The following PTPRT variants were observed in gnomAD, a reference collection of about 807,000 sequenced individuals.
PTPRT encodes protein tyrosine phosphatase receptor type T.
PTPRT carries 56 observed loss-of-function variants against 176.8 expected under a neutral mutation model. The ratio of observed to expected loss-of-function variants is 0.32; its 90% CI spans 0.26 to 0.40. The LOEUF is 0.40. Ranked by LOEUF, PTPRT falls within the 10% of genes least tolerant of loss-of-function variation. The pLI is 1.00. For synonymous variants in PTPRT, 783 were observed against 739.0 expected, an observed-to-expected ratio of 1.06 and a Z score of -0.96; for missense variants, 1,540 against 1,908.2, an observed-to-expected ratio of 0.81 and a Z score of 3.60.
chr20:42,635,722 G>C (rs2074582422), intron 7 of PTPRT, among the ~76,000 whole-genome samples: 1 of 152,000 alleles, frequency 6.6e-6, no homozygotes, highest in Non-Finnish European at 1.5e-5. Context: ...TGAAGCCTTA[G>C]ATTTTATTTT....
At chr20:42,320,674 A>G (rs753366554) in intron 11 of PTPRT, among the ~76,000 whole-genome samples, 2 of 152,110 alleles carry the variant, frequency 1.3e-5, no homozygotes, top group Non-Finnish European at 2.9e-5. Context: ...AAATGGGAGG[A>G]AGTGGAGCAA....
rs569314183 is a variant in PTPRT, at chr20:42,410,670, A to G, written c.1560+37550T>C. Among the ~76,000 whole-genome samples, 6 of 152,236 alleles carry G rather than the reference A, an allele frequency of 3.9e-5. No individual in the cohort carries two copies. The South Asian group carries it at 1.2e-3, about 32-fold the overall frequency. The stretch of plus-strand genomic sequence containing the variant: ...AATTCACCGAGATAGACCATATACC[A>G]TACTATGAAACAAATCCTAACAAAT... On this transcript the variant is annotated intron_variant, in intron 9 of 30. Coordinates refer to ENST00000373187, the MANE Select transcript of PTPRT (RefSeq NM_007050.6).
intron 9 of PTPRT, among the ~76,000 whole-genome samples, chr20:42,366,171 C>A (rs545950049): frequency 6.6e-6 from 1 of 152,174 alleles, no homozygotes; most frequent in South Asian, 2.1e-4. Flanking sequence ...TTAGTGGACA[C>A]CTAATTAATG....
chr20:43,019,546 G>A (rs1985549423), intron 1 of PTPRT, among the ~76,000 whole-genome samples: 3 of 150,804 alleles, frequency 2.0e-5, no homozygotes, highest in Admixed American at 2.0e-4. Context: ...TTGAACCTGG[G>A]AGGCGGAGAT....
intron 2 of PTPRT, among the ~76,000 whole-genome samples, chr20:42,844,302 G>A: frequency 6.6e-6 from 1 of 152,174 alleles, no homozygotes; most frequent in African/African-American, 2.4e-5. Flanking sequence ...GGTTCAGGGA[G>A]GCAAGCCTAC....
intron 9 of PTPRT, among the ~76,000 whole-genome samples, chr20:42,447,057 T>C (rs1359328868): frequency 6.6e-6 from 1 of 152,220 alleles, no homozygotes; most frequent in Non-Finnish European, 1.5e-5. Context: ...TATCGGTCTG[T>C]TAGATTAATC....
intron 11 of PTPRT, among the ~76,000 whole-genome samples, chr20:42,333,934 G>A (rs1027318067): frequency 6.6e-6 from 1 of 151,960 alleles, no homozygotes; most frequent in East Asian, 1.9e-4. Context: ...GCCCACCTTG[G>A]CTTCACAAAG....
chr20:42,630,460 C>T (rs535045171), intron 7 of PTPRT, among the ~76,000 whole-genome samples: 1 of 152,238 alleles, frequency 6.6e-6, no homozygotes, highest in Admixed American at 6.5e-5. Context: ...AAGAGCCACA[C>T]ACCACCACCC....
chr20:42,646,485 AC>A (rs1411301503), intron 7 of PTPRT, among the ~76,000 whole-genome samples: 1 of 152,010 alleles, frequency 6.6e-6, no homozygotes, highest in Non-Finnish European at 1.5e-5. Context: ...GATGGAAGAA[AC>A]TTGTCCACCG....
chr20:42,265,690 G>A (rs976623354), intron 13 of PTPRT, among the ~76,000 whole-genome samples: 1 of 152,104 alleles, frequency 6.6e-6, no homozygotes, highest in African/African-American at 2.4e-5. Flanking sequence ...CACACCATCT[G>A]TCAACCCCTT....
intron 2 of PTPRT, among the ~76,000 whole-genome samples, chr20:42,810,825 G>A (rs779731681): frequency 4.6e-4 from 70 of 152,154 alleles, no homozygotes; most frequent in Non-Finnish European, 8.1e-4. Flanking sequence ...GTCTTTCGAC[G>A]CTGCCTCTCC....
At chr20:42,627,181 G>T (rs957186033) in intron 7 of PTPRT, among the ~76,000 whole-genome samples, 4 of 151,802 alleles carry the variant, frequency 2.6e-5, no homozygotes, top group African/African-American at 9.7e-5. Context: ...TAAAATTCTG[G>T]ATCCATTTAA....
intron 8 of PTPRT, among the ~76,000 whole-genome samples, chr20:42,471,725 G>C (rs527263296): frequency 1.3e-5 from 2 of 151,918 alleles, no homozygotes; most frequent in East Asian, 3.9e-4. Flanking sequence ...GTGCGATCTC[G>C]GCTCACTGCA....
At chr20:42,553,104 T>C (rs1169704951) in intron 7 of PTPRT, among the ~76,000 whole-genome samples, 2 of 152,156 alleles carry the variant, frequency 1.3e-5, no homozygotes, top group East Asian at 1.9e-4. Context: ...GAAAGAATCA[T>C]GTGAACTTGC....
chr20:43,128,706 C>A (rs1436526943), intron 1 of PTPRT, among the ~76,000 whole-genome samples: 1 of 152,160 alleles, frequency 6.6e-6, no homozygotes, highest in East Asian at 1.9e-4. Context: ...TACAGAGGTG[C>A]CAAACCCTTG....
intron 2 of PTPRT, among the ~76,000 whole-genome samples, chr20:42,846,426 T>A (rs2078373296): frequency 6.6e-6 from 1 of 152,182 alleles, no homozygotes; most frequent in Non-Finnish European, 1.5e-5. Flanking sequence ...ATGGAAGGAC[T>A]GAGACTGGCC....
intron 7 of PTPRT, among the ~76,000 whole-genome samples, chr20:42,657,252 C>T (rs1358743692): frequency 6.6e-6 from 1 of 152,168 alleles, no homozygotes; most frequent in Non-Finnish European, 1.5e-5. Context: ...AAACCTCTTT[C>T]CTTTACAAAT....
chr20:42,915,847 C>T (rs1188770052), intron 1 of PTPRT, among the ~76,000 whole-genome samples: 1 of 151,928 alleles, frequency 6.6e-6, no homozygotes, highest in Non-Finnish European at 1.5e-5. Context: ...GATCCTCCTG[C>T]GTCAGTCTCC....
intron 7 of PTPRT, among the ~76,000 whole-genome samples, chr20:42,557,860 C>G (rs1391042424): frequency 6.6e-6 from 1 of 152,176 alleles, no homozygotes; most frequent in Non-Finnish European, 1.5e-5. Flanking sequence ...ACAGCCATTC[C>G]CCTGACCCAG....
Sources: allele counts gnomAD v4.1 joint callset (sites outside exome capture counted in the v4.1 genomes callset), GRCh38; gene constraint gnomAD v4.1.1; transcripts MANE v1.5; gene names NCBI Gene and HGNC (gene_info 2026-07-23, HGNC 2026-07-21).